Variants in NISCH observed in about 807,000 individuals in gnomAD.
NISCH encodes the protein I-1 receptor candidate protein.
In NISCH, 55 loss-of-function variants were observed where a neutral mutation model predicts 138.4. That is an observed-to-expected ratio of 0.40 (90% CI 0.32 to 0.50). The LOEUF (loss-of-function observed/expected upper bound fraction) is 0.50. Among genes scored for constraint, NISCH ranks in the 20% least tolerant of loss-of-function variants. NISCH has a pLI of 0.71. For synonymous variants in NISCH, 860 were observed against 861.5 expected (o/e 1.00, Z 0.03); for missense variants, 1,643 against 2,005.5 (o/e 0.82, Z 3.45).
In NISCH at chr3:52,488,735, C is replaced by A. The variant is rs1359187083; in HGVS notation, c.3113+130C>A. On this transcript the variant is annotated intron_variant, in intron 16 of 20. Transcript: ENST00000345716. ...GGCCCCCTCCCCCCCTGCCCCTCGC[C>A]CCCCCCGGGCCTCCCTCTACATCAC... is the stretch of plus-strand genomic sequence containing the variant. 32 of 749,106 alleles carry A rather than the reference C, an allele frequency of 4.3e-5. No individual in the cohort carries two copies. The South Asian group carries it at 5.6e-4, about 13-fold the overall frequency. The allele number at this position is 749,106 out of a possible 1,614,324, so 46.4% of individuals were successfully genotyped here.
intron 11 of NISCH, 109 bp downstream of exon 11, chr3:52,478,686 G>A: frequency 9.4e-7 from 1 of 1,059,278 alleles, no homozygotes; most frequent in South Asian, 1.4e-5. Flanking sequence ...GCCTGCTTCA[G>A]AAAGAGGTCC....
At chr3:52,469,966 C>T (rs1706895969) in intron 3 of NISCH, among the ~76,000 whole-genome samples, 1 of 151,420 alleles carries the variant, frequency 6.6e-6, no homozygotes, top group South Asian at 2.1e-4. Flanking sequence ...CACCTATAGT[C>T]CCAGCTACTT....
rs1559619009 is a variant in NISCH, at chr3:52,455,623, TGGCGGCGGA to T, written c.-17_-9del. The T allele has an allele frequency of 2.3e-6, 3 of 1,312,444 alleles. No individual in the cohort carries two copies. Among genetic ancestry groups the T allele is most frequent in the South Asian group, 5.4e-5 (2 of 36,778 alleles). The allele number at this position is 1,312,444 out of a possible 1,614,324, so 81.3% of individuals were successfully genotyped here. A position where few individuals can be genotyped will look rare whatever the true frequency, so the allele number is the denominator to read the frequency against. On this transcript the variant is annotated 5_prime_UTR_variant, in exon 1 of 21. Coordinates refer to ENST00000345716, the MANE Select transcript of NISCH (RefSeq NM_007184.4). ...GCTGCTAGTCTGCGCCGGGCGGCGGTGGCGGCGGAGACCCGAACATGGCGACCGCGCGCA... is the reference window on the plus strand; with the variant it reads ...GCTGCTAGTCTGCGCCGGGCGGCGGTGACCCGAACATGGCGACCGCGCGCA...
chr3:52,478,095 A>G lies in NISCH; in HGVS notation c.988-2A>G. On this transcript the variant is annotated splice_acceptor_variant, in intron 9 of 20. Transcript: ENST00000345716. LOFTEE classifies it high-confidence loss of function. ...TTTACGCTGTTCTCCACGCCGCTGC[A>G]GCACCTGTATAACCTTGTGCATCTG... 6.2e-7 allele frequency: 1 copy of G among 1,613,562 alleles called. No individual in the cohort carries two copies. The highest frequency in any genetic ancestry group is 8.5e-7 in the Non-Finnish European group (1 of 1,179,866).
intron 3 of NISCH, among the ~76,000 whole-genome samples, chr3:52,460,186 CAAAAAAAAAAAAAAA>C (rs60865450): frequency 1.8e-5 from 1 of 56,204 alleles, no homozygotes; most frequent in Non-Finnish European, 3.0e-5. Flanking sequence ...GACTTCATCT[CAAAAAAAAAAAAAAA>C]AAAAAAAAAA....
At chr3:52,473,106 G>A (rs1169329234) in intron 6 of NISCH, among the ~76,000 whole-genome samples, 1 of 152,224 alleles carries the variant, frequency 6.6e-6, no homozygotes, top group Non-Finnish European at 1.5e-5. Flanking sequence ...CCTGGGATTT[G>A]AATTCAGCTG....
intron 7 of NISCH, among the ~76,000 whole-genome samples, chr3:52,476,125 G>A (rs181151126): frequency 1.2e-3 from 189 of 152,306 alleles, no homozygotes; most frequent in African/African-American, 4.4e-3. Flanking sequence ...GTGACAGAGC[G>A]AGACTCCATC....
chr3:52,491,288 T>A, intron 19 of NISCH, 64 bp from the exon 20 acceptor site: 1 of 1,549,776 alleles, frequency 6.5e-7, no homozygotes, highest in South Asian at 1.2e-5. Flanking sequence ...GGGGTGGCTC[T>A]AAGGGGCAGG....
At chr3:52,467,580 C>A (rs920633071) in intron 3 of NISCH, among the ~76,000 whole-genome samples, 1 of 152,232 alleles carries the variant, frequency 6.6e-6, no homozygotes, top group Admixed American at 6.5e-5. Flanking sequence ...TGAAAAACAG[C>A]CTGGAAAACC....
Position 52,490,825 on chromosome 3 carries a change from G to A in NISCH, c.3734G>A (p.Arg1245Gln), listed in dbSNP as rs781510361. 7 of 1,614,094 alleles carry A rather than the reference G, an allele frequency of 4.3e-6. No individual in the cohort carries two copies. The highest frequency in any genetic ancestry group is 1.1e-5 in the South Asian group (1 of 91,072). The change falls in exon 19 of 21, where the codon CGG becomes CAG. Residue 1245 changes from arginine (R) to glutamine (Q), a missense_variant. By Grantham distance (43) the Arg-to-Gln change is conservative. Transcript: ENST00000345716. ...GTGGGGCTTTTCGACCAGCATTTCC[G>A]GCTGACGGGTGGGTGACCCTCTGTG... ...VNVGLFDQHF[R>Q]LTGSTPMQVV...
In NISCH at chr3:52,455,604, A is replaced by G; in HGVS notation, c.-38A>G. ...GTTGACCCCGCCCCCTGCTGCTGCT[A>G]GTCTGCGCCGGGCGGCGGTGGCGGC... On this transcript the variant is annotated 5_prime_UTR_variant, in exon 1 of 21. Coordinates refer to ENST00000345716, the MANE Select transcript of NISCH (RefSeq NM_007184.4). 1 of 1,261,764 alleles carries G rather than the reference A, an allele frequency of 7.9e-7. No individual in the cohort carries two copies. The highest frequency in any genetic ancestry group is 1.0e-6 in the Non-Finnish European group (1 of 993,868). The allele number at this position is 1,261,764 out of a possible 1,614,324, so 78.2% of individuals were successfully genotyped here.
Position 52,492,751 on chromosome 3 carries a change from CGTT to C in NISCH, c.*273_*275del, listed in dbSNP as rs1479633429. The stretch of plus-strand genomic sequence containing the variant: ...AGTGTCGTGTCTGCTGTTGTGGGAC[CGTT>C]GTTAACACGTGACACTGTGGGTCTG... On this transcript the variant is annotated 3_prime_UTR_variant, in exon 21 of 21. Transcript: ENST00000345716. The C allele has an allele frequency of 4.1e-6, 2 of 491,220 alleles. No individual in the cohort carries two copies. Among genetic ancestry groups the C allele is most frequent in the Non-Finnish European group, 7.2e-6 (2 of 277,482 alleles). The allele number at this position is 491,220 out of a possible 1,614,324, so 30.4% of individuals were successfully genotyped here. A position where few individuals can be genotyped will look rare whatever the true frequency, so the allele number is the denominator to read the frequency against.
intron 16 of NISCH, 111 bp downstream of exon 16, chr3:52,488,716 C>G (rs1578312699): frequency 1.0e-6 from 1 of 957,528 alleles, no homozygotes; most frequent in East Asian, 2.6e-5. Flanking sequence ...GCTGGGCCCC[C>G]TCCCCCCCTG....
At chr3:52,480,403 C>G (rs1235558630) in intron 13 of NISCH, 108 bp downstream of exon 13, 4 of 1,555,648 alleles carry the variant, frequency 2.6e-6, no homozygotes, top group Non-Finnish European at 1.7e-6. Flanking sequence ...CCAACAGGGT[C>G]AGACACAGGG....
chr3:52,463,162 T>C (rs1205337384), intron 3 of NISCH, among the ~76,000 whole-genome samples: 2 of 152,220 alleles, frequency 1.3e-5, no homozygotes, highest in Non-Finnish European at 2.9e-5. Flanking sequence ...CTTTCTGTCC[T>C]TATGGATTTG....
chr3:52,460,020 A>C (rs1706586432), intron 3 of NISCH, among the ~76,000 whole-genome samples: 1 of 150,848 alleles, frequency 6.6e-6, no homozygotes, highest in Non-Finnish European at 1.5e-5. Flanking sequence ...GTCTCTACTA[A>C]GAATACAAAA....
chr3:52,481,825 C>T (rs1374617504), intron 13 of NISCH: 2 of 985,484 alleles, frequency 2.0e-6, no homozygotes, highest in Non-Finnish European at 2.4e-6. Context: ...TGCAGAGGGG[C>T]ACTCTGCAGT....
At chr3:52,474,547 C>G (rs548406267) in intron 7 of NISCH, among the ~76,000 whole-genome samples, 2 of 152,278 alleles carry the variant, frequency 1.3e-5, no homozygotes, top group Admixed American at 1.3e-4. Context: ...CCACCCGCCT[C>G]GGCCTCCCAA....
intron 13 of NISCH, chr3:52,481,381 C>T (rs1229633162): frequency 7.1e-6 from 7 of 988,166 alleles, no homozygotes; most frequent in African/African-American, 3.5e-5. Flanking sequence ...AATTCCTGAG[C>T]GTGGAGCGAT....
Sources: gnomAD v4.1 joint callset for allele counts (sites outside exome capture counted in the v4.1 genomes callset) on GRCh38, gnomAD v4.1.1 for gene constraint, MANE v1.5 for transcripts, NCBI Gene and HGNC (gene_info 2026-07-23, HGNC 2026-07-21) for gene names.